The following LRRTM3 variants were observed in gnomAD, a reference collection of about 807,000 sequenced individuals.
LRRTM3 encodes leucine-rich repeat transmembrane neuronal protein 3.
LRRTM3 carries 24 observed loss-of-function variants against 44.7 expected under a neutral mutation model. The ratio of observed to expected loss-of-function variants is 0.54; its 90% CI spans 0.39 to 0.76. LRRTM3 has a LOEUF of 0.76. LRRTM3 is among the 30% of genes least tolerant of loss of function. The pLI is 0.00. For synonymous variants in LRRTM3, 277 were observed against 278.7 expected (o/e 0.99, Z 0.06); for missense variants, 587 against 702.2 (o/e 0.84, Z 1.85).
chr10:67,018,273 G>A (rs1852784363), intron 2 of LRRTM3, among the ~76,000 whole-genome samples: 1 of 152,062 alleles, frequency 6.6e-6, no homozygotes, highest in Non-Finnish European at 1.5e-5. Context: ...TACAGCAAAT[G>A]TCTATGTTTT....
Position 67,097,727 on chromosome 10 carries a change from G to T in LRRTM3, c.1677G>T (p.Glu559Asp), listed in dbSNP as rs762713172. Residue 559 changes from glutamate to aspartate, a missense_variant, in exon 3 of 3, where the codon GAG (glutamate) becomes GAT (aspartate). By Grantham distance (45) the Glu-to-Asp change is conservative. This residue lies in a region of LRRTM3 where 315 missense variants were observed against 335.6 expected (regional missense o/e 0.94). Transcript: ENST00000361320. ...AAGATACGATGGAAACACACCTAGA[G>T]ACTGAGCTGGACCTGAGCACAATCA... ...AQEDTMETHL[E>D]TELDLSTITT... The T allele has an allele frequency of 3.1e-6, 5 of 1,612,522 alleles. No individual in the cohort carries two copies. In the African/African-American group the frequency reaches 5.4e-5, roughly 17 times the overall value.
In LRRTM3 at chr10:66,926,976, C is replaced by T. The variant is rs761574517; in HGVS notation, c.60C>T (p.Pro20=). The T allele has an allele frequency of 1.2e-6, 2 of 1,614,048 alleles. No homozygotes were observed. Among genetic ancestry groups the T allele is most frequent in the South Asian group, 2.2e-5 (2 of 91,060 alleles). The change falls in exon 2 of 3, where the codon CCC becomes CCT. Residue 20 remains proline (P), a synonymous_variant. Coordinates refer to ENST00000361320, the MANE Select transcript of LRRTM3 (RefSeq NM_178011.5). The part of the protein sequence containing the change: ...SGSAVALVIA[P]TVLLTMLSSA... Reference sequence around the variant, plus strand: ...CAGCTGTAGCACTGGTTATAGCCCCCACTGTCTTACTGACAATGCTTTCTT... The same window carrying T: ...CAGCTGTAGCACTGGTTATAGCCCCTACTGTCTTACTGACAATGCTTTCTT...
intron 2 of LRRTM3, among the ~76,000 whole-genome samples, chr10:67,031,516 A>T (rs1853725575): frequency 6.6e-6 from 1 of 152,230 alleles, no homozygotes; most frequent in African/African-American, 2.4e-5. Context: ...ATTAAAAAGG[A>T]ATACTGCCAA....
At chr10:67,074,382 G>A (rs113280877) in intron 2 of LRRTM3, among the ~76,000 whole-genome samples, 7,543 of 112,386 alleles carry the variant, frequency 0.067, 259 homozygotes, top group South Asian at 0.19. Flanking sequence ...ACGGAGTCTC[G>A]CTCTGTCGCC....
rs573267308 is a variant in LRRTM3, at chr10:67,069,415, G to A, written c.1537-28172G>A. 5.3e-5 allele frequency among the ~76,000 whole-genome samples: 8 copies of A among 152,044 alleles called. No homozygotes were observed. The South Asian group carries it at 1.7e-3, about 32-fold the overall frequency. On this transcript the variant is annotated intron_variant, in intron 2 of 2. Transcript: ENST00000361320. ...CTTATTAACTCAAAAAACGCTCATT[G>A]TAATTAACTTGTTTTTGAAGTATAA...
intron 2 of LRRTM3, among the ~76,000 whole-genome samples, chr10:67,056,643 G>A (rs559317105): frequency 3.9e-5 from 6 of 152,080 alleles, no homozygotes; most frequent in Non-Finnish European, 7.4e-5. Flanking sequence ...ATTAAGTGGC[G>A]ACAGAAAAAT....
chr10:66,969,302 C>T (rs1458535309), intron 2 of LRRTM3, among the ~76,000 whole-genome samples: 1 of 152,026 alleles, frequency 6.6e-6, no homozygotes, highest in African/African-American at 2.4e-5. Context: ...TATAACTTAT[C>T]ATTACATTGT....
rs778141715 is a variant in LRRTM3, at chr10:67,097,751, C to T, written c.1701C>T (p.Ile567=). The T allele has an allele frequency of 2.9e-5, 47 of 1,612,420 alleles. No individual in the cohort carries two copies. The South Asian group carries it at 3.4e-4, about 12-fold the overall frequency. Residue 567 remains isoleucine, a synonymous_variant, in exon 3 of 3, where the codon ATC becomes ATT. Transcript: ENST00000361320. ...AGACTGAGCTGGACCTGAGCACAAT[C>T]ACAACAGCTGGCCGAATCAGTGACC... The part of the protein sequence containing the change: ...HLETELDLST[I]TTAGRISDHK...
intron 2 of LRRTM3, among the ~76,000 whole-genome samples, chr10:66,941,767 C>T (rs1345805604): frequency 1.3e-5 from 2 of 152,100 alleles, no homozygotes; most frequent in East Asian, 3.8e-4. Flanking sequence ...AGAGGGAGCA[C>T]ACAAATGACA....
At chr10:66,930,866 G>C (rs1433130551) in intron 2 of LRRTM3, among the ~76,000 whole-genome samples, 1 of 152,144 alleles carries the variant, frequency 6.6e-6, no homozygotes, top group Non-Finnish European at 1.5e-5. Context: ...TTTGGGACAT[G>C]AAATTATGGG....
At chr10:67,017,571 C>G (rs1224756578) in intron 2 of LRRTM3, among the ~76,000 whole-genome samples, 1 of 152,156 alleles carries the variant, frequency 6.6e-6, no homozygotes, top group African/African-American at 2.4e-5. Context: ...GTGATTCACC[C>G]TCTTGCAGTA....
chr10:67,085,938 A>C (rs1857285820), intron 2 of LRRTM3, among the ~76,000 whole-genome samples: 1 of 151,952 alleles, frequency 6.6e-6, no homozygotes, highest in South Asian at 2.1e-4. Flanking sequence ...AAAGCCTCAT[A>C]GCAACAGCAG....
At chr10:66,930,594 A>G (rs1006913080) in intron 2 of LRRTM3, among the ~76,000 whole-genome samples, 1 of 152,180 alleles carries the variant, frequency 6.6e-6, no homozygotes, top group Non-Finnish European at 1.5e-5. Flanking sequence ...GATACCAAAT[A>G]TATTTAGGCA....
chr10:66,972,275 C>T (rs941711418), intron 2 of LRRTM3, among the ~76,000 whole-genome samples: 4 of 152,128 alleles, frequency 2.6e-5, no homozygotes, highest in African/African-American at 9.7e-5. Context: ...CTCCTTTACC[C>T]ACATGACATA....
At chr10:66,978,252 G>T (rs979710021) in intron 2 of LRRTM3, among the ~76,000 whole-genome samples, 1 of 151,892 alleles carries the variant, frequency 6.6e-6, no homozygotes, top group East Asian at 1.9e-4. Context: ...TGGGCCAAGT[G>T]CACTGGCTCA....
At chr10:67,060,493 T>C (rs937632863) in intron 2 of LRRTM3, among the ~76,000 whole-genome samples, 2 of 152,214 alleles carry the variant, frequency 1.3e-5, no homozygotes, top group Non-Finnish European at 2.9e-5. Flanking sequence ...GCCATGCTCA[T>C]CAAATATTCC....
intron 2 of LRRTM3, among the ~76,000 whole-genome samples, chr10:66,975,346 A>G (rs1200518937): frequency 6.6e-6 from 1 of 152,204 alleles, no homozygotes; most frequent in African/African-American, 2.4e-5. Flanking sequence ...AAAGTATTAA[A>G]GCAGATGCCT....
chr10:67,019,218 TTTA>T (rs1262227878), intron 2 of LRRTM3, among the ~76,000 whole-genome samples: 2 of 152,130 alleles, frequency 1.3e-5, no homozygotes, highest in African/African-American at 4.8e-5. Flanking sequence ...TTAATTTTAT[TTTA>T]TTATTATTTT....
intron 2 of LRRTM3, among the ~76,000 whole-genome samples, chr10:67,008,362 T>C (rs115526830): frequency 0.025 from 3,849 of 152,278 alleles, 187 homozygotes; most frequent in African/African-American, 0.088. Context: ...TTTACATTGA[T>C]TAAAGATTTA....
Sources: allele counts gnomAD v4.1 joint callset (sites outside exome capture counted in the v4.1 genomes callset), GRCh38; gene constraint gnomAD v4.1.1; regional missense constraint gnomAD v4.1.1; transcripts MANE v1.5; gene names NCBI Gene and HGNC (gene_info 2026-07-23, HGNC 2026-07-21).